Variants in COL4A5 observed in about 807,000 individuals in gnomAD.
COL4A5 encodes the protein collagen type IV alpha 5 chain, also known as collagen alpha-5(IV) chain.
COL4A5 carries 26 observed loss-of-function variants against 130.2 expected under a neutral mutation model. The observed-to-expected ratio is 0.20, with a 90% CI of 0.15 to 0.28. The LOEUF is 0.28. Among genes scored for constraint, COL4A5 ranks in the 10% least tolerant of loss-of-function variants. COL4A5 has a pLI of 1.00. For synonymous variants in COL4A5, 496 were observed against 439.6 expected, an observed-to-expected ratio of 1.13 and a Z score of -1.60; for missense variants, 1,131 against 1,344.3, an observed-to-expected ratio of 0.84 and a Z score of 2.48.
At chrX:108,683,668 A>G (rs1216419263) in intron 47 of COL4A5, among the ~76,000 whole-genome samples, 1 of 111,340 alleles carries the variant, frequency 9.0e-6, no homozygotes, top group Non-Finnish European at 1.9e-5. Flanking sequence ...TGTGAATGGG[A>G]GTTCACTCAT....
chrX:108,663,629 C>T (rs1354090755), intron 37 of COL4A5, among the ~76,000 whole-genome samples: 2 of 110,114 alleles, frequency 1.8e-5, no homozygotes, highest in African/African-American at 6.6e-5. Context: ...ATAGCTAAGG[C>T]ATGCTGGGCT....
At chrX:108,632,196 A>T (rs2067273700) in intron 36 of COL4A5, among the ~76,000 whole-genome samples, 1 of 111,714 alleles carries the variant, frequency 9.0e-6, no homozygotes, top group African/African-American at 3.3e-5. Flanking sequence ...AATACTATAA[A>T]CACCTCTATG....
intron 1 of COL4A5, among the ~76,000 whole-genome samples, chrX:108,452,654 A>G (rs942007263): frequency 9.8e-5 from 11 of 111,776 alleles, no homozygotes; most frequent in African/African-American, 3.6e-4. Flanking sequence ...AAGAATGCTT[A>G]TGATTTTTGT....
chrX:108,655,730 A>G (rs776452503), intron 37 of COL4A5, among the ~76,000 whole-genome samples: 22 of 112,541 alleles, frequency 2.0e-4, no homozygotes, highest in Admixed American at 2.8e-4. Context: ...GCTAGCCACA[A>G]ATCACTTAAG....
chrX:108,611,410 A>G (rs918094848), intron 29 of COL4A5, among the ~76,000 whole-genome samples: 1 of 111,111 alleles, frequency 9.0e-6, no homozygotes, highest in African/African-American at 3.3e-5. Context: ...CCGGGCAGCA[A>G]GAATAACATC....
Position 108,578,006 on chromosome X carries a change from A to G in COL4A5, c.645+19A>G, listed in dbSNP as rs778482968. ...ACCTAAGGTAATTTTCTTTTTCTTT[A>G]TATCTTTTATTTGGTGTGGATTCCT... On this transcript the variant is annotated intron_variant, in intron 11 of 52. Transcript: ENST00000328300. 7 of 1,200,433 alleles carry G rather than the reference A, an allele frequency of 5.8e-6. No individual in the cohort carries two copies. Among genetic ancestry groups the G allele is most frequent in the Non-Finnish European group, 7.9e-6 (7 of 888,071 alleles).
intron 36 of COL4A5, 55 bp downstream of exon 36, chrX:108,626,404 A>T: frequency 8.4e-7 from 1 of 1,189,856 alleles, no homozygotes; most frequent in Non-Finnish European, 1.1e-6. Flanking sequence ...GAAATTTTTT[A>T]ATACTATGCT....
At chrX:108,503,674 T>G (rs1038543830) in intron 1 of COL4A5, among the ~76,000 whole-genome samples, 20 of 111,299 alleles carry the variant, frequency 1.8e-4, no homozygotes, top group African/African-American at 6.2e-4. Flanking sequence ...CTACAAAAAG[T>G]AAAACACCTA....
intron 29 of COL4A5, among the ~76,000 whole-genome samples, chrX:108,607,780 C>T (rs2066761646): frequency 9.0e-6 from 1 of 111,521 alleles, no homozygotes; most frequent in African/African-American, 3.3e-5. Flanking sequence ...TATATAAATA[C>T]CAGCCAAGAA....
Position 108,620,326 on chromosome X carries a change from A to G in COL4A5, c.2577A>G (p.Pro859=). 1 of 1,207,979 alleles carries G rather than the reference A, an allele frequency of 8.3e-7. No individual in the cohort carries two copies. Among genetic ancestry groups the G allele is most frequent in the East Asian group, 3.0e-5 (1 of 33,814 alleles). ...CTGGACTTGATGTTCCAGGACCCCCAGGTGAAAGAGGCAGTCCAGGGATCC... is the reference window on the plus strand; with the variant it reads ...CTGGACTTGATGTTCCAGGACCCCCGGGTGAAAGAGGCAGTCCAGGGATCC... ...GPPGLDVPGP[P]GERGSPGIPG... is the part of the protein sequence containing the mutation. Residue 859 remains proline (P), a synonymous_variant, in exon 31 of 53, where the codon CCA becomes CCG. Transcript: ENST00000328300.
intron 9 of COL4A5, among the ~76,000 whole-genome samples, chrX:108,574,374 GAAGT>G (rs776357241): frequency 3.6e-5 from 4 of 111,024 alleles, no homozygotes; most frequent in Non-Finnish European, 7.6e-5. Context: ...AAATTGTTAT[GAAGT>G]AATATTTGAA....
intron 1 of COL4A5, among the ~76,000 whole-genome samples, chrX:108,533,056 C>T (rs991664668): frequency 9.0e-6 from 1 of 111,426 alleles, no homozygotes; most frequent in Non-Finnish European, 1.9e-5. Context: ...GTATATGAAA[C>T]CAAAAAAGAG....
At chrX:108,609,983 A>C (rs755771591) in intron 29 of COL4A5, among the ~76,000 whole-genome samples, 6 of 109,772 alleles carry the variant, frequency 5.5e-5, no homozygotes, top group Non-Finnish European at 7.6e-5. Context: ...AAAAAAAAAA[A>C]CACATTTCTT....
intron 43 of COL4A5, among the ~76,000 whole-genome samples, chrX:108,675,192 A>G (rs2068282380): frequency 9.0e-6 from 1 of 111,647 alleles, no homozygotes; most frequent in Non-Finnish European, 1.9e-5. Context: ...TGTTAAAAAT[A>G]AAACTTATAT....
intron 1 of COL4A5, among the ~76,000 whole-genome samples, chrX:108,527,208 T>G (rs768154889): frequency 1.8e-5 from 2 of 111,818 alleles, no homozygotes; most frequent in Non-Finnish European, 3.8e-5. Flanking sequence ...GTCTTGCATT[T>G]TAAGGTATCA....
At chrX:108,636,664 A>G (rs2067359659) in intron 36 of COL4A5, among the ~76,000 whole-genome samples, 1 of 111,701 alleles carries the variant, frequency 9.0e-6, no homozygotes, top group Admixed American at 9.6e-5. Flanking sequence ...CATATACAAA[A>G]TATTCTATCC....
chrX:108,569,775 G>A (rs2066031812), intron 6 of COL4A5, among the ~76,000 whole-genome samples: 1 of 110,632 alleles, frequency 9.0e-6, no homozygotes. Context: ...TGCCTCCCGG[G>A]TTCAAGTGAT....
intron 1 of COL4A5, among the ~76,000 whole-genome samples, chrX:108,458,017 A>G (rs1294071492): frequency 8.9e-6 from 1 of 111,942 alleles, no homozygotes; most frequent in Non-Finnish European, 1.9e-5. Flanking sequence ...ATGCTCTGCC[A>G]TTTGGTGGCT....
At chrX:108,575,208 C>G (rs760047299) in intron 9 of COL4A5, among the ~76,000 whole-genome samples, 5 of 111,640 alleles carry the variant, frequency 4.5e-5, no homozygotes, top group South Asian at 3.8e-4. Context: ...TTGTATCATT[C>G]TCTTATAATT....
Sources: allele counts gnomAD v4.1 joint callset (sites outside exome capture counted in the v4.1 genomes callset), GRCh38; gene constraint gnomAD v4.1.1; transcripts MANE v1.5; gene names NCBI Gene and HGNC (gene_info 2026-07-23, HGNC 2026-07-21).